IFT172: variants seen among roughly 807,000 people sequenced by gnomAD.
IFT172 encodes the protein intraflagellar transport protein 172 homolog.
IFT172 carries 164 observed loss-of-function variants against 248.9 expected under a neutral mutation model. That is an observed-to-expected ratio of 0.66 (90% CI 0.58 to 0.75). The LOEUF (loss-of-function observed/expected upper bound fraction) is 0.75, where lower values mean the gene tolerates loss of function less well. IFT172 is among the 30% of genes least tolerant of loss of function. The pLI, the probability that IFT172 is intolerant of heterozygous loss-of-function variation, is 0.00. For synonymous variants in IFT172, 729 were observed against 791.6 expected, an observed-to-expected ratio of 0.92 and a Z score of 1.33; for missense variants, 1,950 against 2,192.4, an observed-to-expected ratio of 0.89 and a Z score of 2.21.
At chr2:27,459,053 A>C in intron 25 of IFT172, 185 bp from the exon 26 acceptor site, 1 of 671,898 alleles carries the variant, frequency 1.5e-6, no homozygotes, top group Non-Finnish European at 2.4e-6. Flanking sequence ...GACCAGCCCC[A>C]AACAGTGGAA....
At chr2:27,453,254 C>G (rs770304227) in intron 35 of IFT172, 130 bp downstream of exon 35, 4 of 1,199,106 alleles carry the variant, frequency 3.3e-6, no homozygotes, top group Non-Finnish European at 5.0e-6. Context: ...AGCAGGCACT[C>G]CATAGATTCC....
At position 27,480,160 on chromosome 2, in the gene IFT172, G is replaced by T; in HGVS notation, c.786-11C>A. 1 of 1,611,990 alleles carries T rather than the reference G, an allele frequency of 6.2e-7. No individual in the cohort carries two copies. The highest frequency in any genetic ancestry group is 8.5e-7 in the Non-Finnish European group (1 of 1,179,294). On this transcript the variant is annotated splice_polypyrimidine_tract_variant and intron_variant, in intron 8 of 47. Coordinates refer to ENST00000260570, the MANE Select transcript of IFT172 (RefSeq NM_015662.3). ...TTGAACACCCGAAGCCTGAAATAAAGTATGTGGCTTTTAGAAGAGATTGAG... is the reference window on the plus strand; with the variant it reads ...TTGAACACCCGAAGCCTGAAATAAATTATGTGGCTTTTAGAAGAGATTGAG...
chr2:27,458,224 C>T lies in IFT172; in HGVS notation c.2878-1G>A. 1 of 1,613,856 alleles carries T rather than the reference C, an allele frequency of 6.2e-7. No individual in the cohort carries two copies. Among genetic ancestry groups the T allele is most frequent in the Non-Finnish European group, 8.5e-7 (1 of 1,179,740 alleles). On this transcript the variant is annotated splice_acceptor_variant, in intron 26 of 47. Coordinates refer to ENST00000260570, the MANE Select transcript of IFT172 (RefSeq NM_015662.3). LOFTEE classifies it high-confidence loss of function. ...CTGGTCTCATGCATTTCATCGCCAGCTGTGGAGGCACAGAGGCAAGGCAGC... is the reference window on the plus strand; with the variant it reads ...CTGGTCTCATGCATTTCATCGCCAGTTGTGGAGGCACAGAGGCAAGGCAGC...
intron 43 of IFT172, 55 bp from the exon 44 acceptor site, chr2:27,446,043 T>C (rs1432853523): frequency 1.3e-6 from 2 of 1,599,424 alleles, no homozygotes; most frequent in East Asian, 4.5e-5. Flanking sequence ...TGAATGCTAC[T>C]TCTCTGGGAT....
At chr2:27,447,474 G>A (rs767986204) in intron 42 of IFT172, 41 bp downstream of exon 42, 3 of 1,603,878 alleles carry the variant, frequency 1.9e-6, no homozygotes, top group Non-Finnish European at 2.6e-6. Context: ...TTGCAGATGA[G>A]CCCTTCTGAC....
Position 27,461,447 on chromosome 2 carries a change from C to G in IFT172, c.2264G>C (p.Arg755Pro), listed in dbSNP as rs78631901. Residue 755 changes from arginine to proline, a missense_variant, in exon 22 of 48, where the codon CGA becomes CCA. By Grantham distance (103) the Arg-to-Pro change is moderately radical. This residue lies in a region of IFT172 where 1,166 missense variants were observed against 1,254.1 expected (regional missense o/e 0.93). Transcript: ENST00000260570. ...QWLMDTQQEERAGELQESQGD... is the reference protein window; with the variant it reads ...QWLMDTQQEEPAGELQESQGD... ...TTGGCTCTCCTGTAGTTCACCTGCT[C>G]GCTCCTCTTGCTGTGTGTCCATCAG... The G allele has an allele frequency of 4.8e-5, 77 of 1,614,036 alleles. No individual in the cohort carries two copies. The highest frequency in any genetic ancestry group is 6.0e-5 in the Non-Finnish European group (71 of 1,180,026).
chr2:27,466,854 GA>G (rs397873250), intron 16 of IFT172, among the ~76,000 whole-genome samples: 381 of 141,474 alleles, frequency 2.7e-3, no homozygotes, highest in Non-Finnish European at 4.0e-3. Context: ...TCTACTGAAA[GA>G]AAAAAAAAAA....
chr2:27,483,465 G>C (rs1397719576), intron 6 of IFT172, 89 bp from the exon 7 acceptor site: 1 of 1,399,804 alleles, frequency 7.1e-7, no homozygotes, highest in East Asian at 2.3e-5. Context: ...AACCTTGTCT[G>C]TGCTTCCTGC....
intron 47 of IFT172, among the ~76,000 whole-genome samples, chr2:27,444,764 C>T (rs747606863): frequency 1.2e-4 from 18 of 152,196 alleles, no homozygotes; most frequent in Non-Finnish European, 1.3e-4. Flanking sequence ...TCTCCTGCCT[C>T]AGCCTCCTGA....
At chr2:27,462,458 G>A (rs892541759) in intron 20 of IFT172, among the ~76,000 whole-genome samples, 2 of 152,202 alleles carry the variant, frequency 1.3e-5, no homozygotes, top group African/African-American at 4.8e-5. Context: ...GTAGTAGACT[G>A]CTTATGAAAG....
intron 41 of IFT172, 23 bp from the exon 42 acceptor site, chr2:27,447,657 C>T: frequency 6.2e-7 from 1 of 1,613,966 alleles, no homozygotes; most frequent in Non-Finnish European, 8.5e-7. Flanking sequence ...GACAGCACAG[C>T]CTGGCTCAGG....
intron 15 of IFT172, 134 bp downstream of exon 15, chr2:27,472,116 T>C: frequency 1.4e-6 from 1 of 701,652 alleles, no homozygotes; most frequent in Middle Eastern, 3.8e-4. Flanking sequence ...TGTTGATTCT[T>C]CTGTGCCTTC....
intron 18 of IFT172, chr2:27,465,195 C>T (rs372876733): frequency 3.6e-6 from 2 of 556,082 alleles, no homozygotes; most frequent in Non-Finnish European, 3.2e-6. Context: ...GCTGGGATTA[C>T]AGGCATCAGC....
intron 26 of IFT172, 101 bp from the exon 27 acceptor site, chr2:27,458,324 A>G: frequency 1.0e-6 from 1 of 955,782 alleles, no homozygotes; most frequent in Non-Finnish European, 1.7e-6. Context: ...TCTCCCAACA[A>G]TCACAGGAGT....
chr2:27,461,497 C>T lies in IFT172; in HGVS notation c.2214G>A (p.Lys738=). 6.2e-7 allele frequency: 1 copy of T among 1,614,108 alleles called. No individual in the cohort carries two copies. Among genetic ancestry groups the T allele is most frequent in the Non-Finnish European group, 8.5e-7 (1 of 1,179,980 alleles). The change falls in exon 22 of 48, where the codon AAG becomes AAA. Residue 738 remains lysine, a synonymous_variant. Transcript: ENST00000260570. ...AEAKGHPALE[K]LRRSYYQWLM... The stretch of plus-strand genomic sequence containing the variant: ...GCCACTGGTAGTAACTACGACGTAG[C>T]TTCTCCAGGGCTGGGTGCCCCTGGA...
Position 27,450,088 on chromosome 2 carries a change from T to C in IFT172, c.3960A>G (p.Glu1320=). 6.2e-7 allele frequency: 1 copy of C among 1,613,626 alleles called. No homozygotes were observed. The highest frequency in any genetic ancestry group is 1.3e-5 in the African/African-American group (1 of 74,982). The change falls in exon 36 of 48, where the codon GAA becomes GAG. Residue 1320 remains glutamate, a synonymous_variant. Transcript: ENST00000260570. ...LAEKCWMKAA[E]LSIKFLPPQR... ...GGGGAGGCAGAAACTTGATGGAGAG[T>C]TCAGCTGCCTGAGTGGTTGAACAGA...
chr2:27,480,789 G>T (rs1411064438), intron 8 of IFT172, among the ~76,000 whole-genome samples: 9 of 152,126 alleles, frequency 5.9e-5, no homozygotes, highest in African/African-American at 2.2e-4. Flanking sequence ...CTCAAAGGGG[G>T]CAATGGAAAC....
Position 27,476,726 on chromosome 2 carries a change from A to G in IFT172, c.1326T>C (p.Ser442=). The G allele has an allele frequency of 1.2e-6, 2 of 1,610,972 alleles. No homozygotes were observed. The highest frequency in any genetic ancestry group is 1.7e-6 in the Non-Finnish European group (2 of 1,177,340). The change falls in exon 14 of 48, where the codon AGT becomes AGC. Residue 442 remains serine (S), a splice_region_variant and synonymous_variant. Transcript: ENST00000260570. ...GCTGACACCTCTCATTAATACGAAC[A>G]CTGAAACATGAAGGGTGAGGTAAGG... ...RTEFMNPHLI[S]VRINERCQRG...
chr2:27,477,094 G>C lies in IFT172; in HGVS notation c.1325+123C>G. On this transcript the variant is annotated intron_variant, in intron 13 of 47. Transcript: ENST00000260570. ...CTTGCCTCCTCCTCCCAAAGTGCTG[G>C]GATTATAGGCATGAGCCACCACACC... is the stretch of plus-strand genomic sequence containing the variant. 3 of 848,364 alleles carry C rather than the reference G, an allele frequency of 3.5e-6. No individual in the cohort carries two copies. The Middle Eastern group carries it at 9.7e-4, about 274-fold the overall frequency. 52.6% of individuals were successfully genotyped at this position (848,364 alleles called of 1,614,324 possible).
Sources: gnomAD v4.1 joint callset for allele counts (sites outside exome capture counted in the v4.1 genomes callset) on GRCh38, gnomAD v4.1.1 for gene constraint, gnomAD v4.1.1 regional missense constraint, MANE v1.5 for transcripts, NCBI Gene and HGNC (gene_info 2026-07-23, HGNC 2026-07-21) for gene names.